The following UBR1 variants were observed in gnomAD, a reference collection of about 807,000 sequenced individuals.
UBR1 encodes ubiquitin protein ligase E3 component n-recognin 1.
In UBR1, 102 loss-of-function variants were observed where a neutral mutation model predicts 242.1. The observed-to-expected ratio is 0.42, with a 90% CI of 0.36 to 0.50. The LOEUF is 0.50. Among genes scored for constraint, UBR1 ranks in the 20% least tolerant of loss-of-function variants. The probability of loss-of-function intolerance (pLI) is 0.01; values close to 1 mark genes in which losing one functional copy is unlikely to be tolerated. For synonymous variants in UBR1, 675 were observed against 684.8 expected, an observed-to-expected ratio of 0.99 and a Z score of 0.22; for missense variants, 1,772 against 2,101.8, an observed-to-expected ratio of 0.84 and a Z score of 3.07.
chr15:42,950,310 T>C lies in UBR1; in HGVS notation c.5060A>G (p.Tyr1687Cys), dbSNP rs558013224. 4 of 1,614,172 alleles carry C rather than the reference T, an allele frequency of 2.5e-6. No homozygotes were observed. Among genetic ancestry groups the C allele is most frequent in the Non-Finnish European group, 3.4e-6 (4 of 1,180,022 alleles). ...LVEGKARGCA[Y>C]PAPYLDEYGE... is the part of the protein sequence containing the mutation. Reference sequence around the variant, plus strand: ...ATATTCATCCAAGTAAGGAGCTGGATAGGCACAGCCTCTGGCTTTACCTTC... The same window carrying C: ...ATATTCATCCAAGTAAGGAGCTGGACAGGCACAGCCTCTGGCTTTACCTTC... Residue 1687 changes from tyrosine to cysteine, a missense_variant, in exon 46 of 47, where the codon TAT (tyrosine) becomes TGT (cysteine). This residue lies in a region of UBR1 where 965 missense variants were observed against 1,079.7 expected (regional missense o/e 0.89). Transcript: ENST00000290650.
At chr15:43,068,071 C>G in intron 5 of UBR1, 35 bp from the exon 6 acceptor site, 1 of 769,834 alleles carries the variant, frequency 1.3e-6, no homozygotes, top group South Asian at 1.9e-5. Flanking sequence ...TTGGATACTA[C>G]AACAAATAAA....
At chr15:43,071,862 C>A (rs757656528) in intron 4 of UBR1, among the ~76,000 whole-genome samples, 3 of 152,194 alleles carry the variant, frequency 2.0e-5, no homozygotes, top group Non-Finnish European at 2.9e-5. Flanking sequence ...CACTTCACAA[C>A]TACCTAGGTG....
At chr15:43,040,093 A>G (rs1038295887) in intron 15 of UBR1, among the ~76,000 whole-genome samples, 1 of 152,148 alleles carries the variant, frequency 6.6e-6, no homozygotes, top group Non-Finnish European at 1.5e-5. Flanking sequence ...AATGGGAAAA[A>G]ACTGCTTTCA....
intron 33 of UBR1, among the ~76,000 whole-genome samples, chr15:42,997,611 T>C (rs1354854639): frequency 6.6e-6 from 1 of 152,190 alleles, no homozygotes; most frequent in Non-Finnish European, 1.5e-5. Flanking sequence ...AATATGTAAA[T>C]AAGATGATAG....
intron 27 of UBR1, among the ~76,000 whole-genome samples, chr15:43,020,040 T>C (rs2033087282): frequency 6.6e-6 from 1 of 151,930 alleles, no homozygotes; most frequent in Non-Finnish European, 1.5e-5. Flanking sequence ...AGGAGTCATC[T>C]TTGATTTCCT....
intron 12 of UBR1, among the ~76,000 whole-genome samples, chr15:43,054,281 G>T (rs1395313540): frequency 1.3e-5 from 2 of 151,964 alleles, no homozygotes; most frequent in Non-Finnish European, 2.9e-5. Flanking sequence ...AGCCCAGGAG[G>T]TTGAGGCTTC....
chr15:43,009,919 G>A (rs938433408), intron 29 of UBR1, among the ~76,000 whole-genome samples: 1 of 152,180 alleles, frequency 6.6e-6, no homozygotes, highest in African/African-American at 2.4e-5. Context: ...TTGCCGGGCT[G>A]GAGTGCAGTG....
intron 32 of UBR1, among the ~76,000 whole-genome samples, chr15:43,001,602 T>C (rs894300215): frequency 2.0e-5 from 3 of 152,178 alleles, no homozygotes; most frequent in Admixed American, 6.5e-5. Context: ...TGAAATAATA[T>C]AAATATTATA....
rs574667524 is a variant in UBR1, at chr15:43,025,648, A to G, written c.2536-219T>C. ...CCTGATCAAAAACTTAGTCTCCATT[A>G]TTTTCTACTGAAAATATTTACCCAG... On this transcript the variant is annotated intron_variant, in intron 23 of 46. Transcript: ENST00000290650. 9.6e-4 allele frequency: 501 copies of G among 524,190 alleles called. 5 individuals are homozygous for G. The highest frequency in any genetic ancestry group is 5.6e-3 in the South Asian group (262 of 46,600). 32.5% of individuals were successfully genotyped at this position (524,190 alleles called of 1,614,324 possible). A position where few individuals can be genotyped will look rare whatever the true frequency, so the allele number is the denominator to read the frequency against.
chr15:42,982,472 G>C (rs760771431), intron 37 of UBR1, among the ~76,000 whole-genome samples: 4 of 152,218 alleles, frequency 2.6e-5, no homozygotes, highest in Non-Finnish European at 4.4e-5. Flanking sequence ...TAGTGGAACA[G>C]CATCAACATT....
At chr15:43,058,841 T>C (rs1054258094) in intron 9 of UBR1, among the ~76,000 whole-genome samples, 3 of 152,214 alleles carry the variant, frequency 2.0e-5, no homozygotes, top group African/African-American at 7.2e-5. Context: ...CACATACATA[T>C]ATACTCTTTT....
chr15:43,034,888 CAAAAAAAA>C lies in UBR1; in HGVS notation c.2190+1282_2190+1289del, dbSNP rs201319494. Among the ~76,000 whole-genome samples, 628 of 91,744 alleles carry C rather than the reference CAAAAAAAA, an allele frequency of 6.8e-3. 12 individuals carry two copies. The highest frequency in any genetic ancestry group is 0.019 in the African/African-American group (599 of 30,858). 60.2% of individuals were successfully genotyped at this position (91,744 alleles called of 152,430 possible). On this transcript the variant is annotated intron_variant, in intron 19 of 46. Coordinates refer to ENST00000290650, the MANE Select transcript of UBR1 (RefSeq NM_174916.3). ...GGCAACAAGAGCAAAACGCCATCTC[CAAAAAAAA>C]AAAAAAAAAGAAAGAAAAGAAAGAA...
intron 30 of UBR1, among the ~76,000 whole-genome samples, chr15:43,004,200 GT>G (rs1362278636): frequency 2.0e-5 from 3 of 152,012 alleles, no homozygotes; most frequent in Admixed American, 2.0e-4. Context: ...CATTATCTTG[GT>G]TATTTAAGTG....
chr15:43,086,256 A>T lies in UBR1; in HGVS notation c.82-16T>A. 6.2e-7 allele frequency: 1 copy of T among 1,613,514 alleles called. No individual in the cohort carries two copies. The highest frequency in any genetic ancestry group is 8.5e-7 in the Non-Finnish European group (1 of 1,179,920). Reference sequence around the variant, plus strand: ...GATCCCACCACTAAAAGAAAAGAAGATGAAAATTAGACTGACTTACAAGTT... The same window carrying T: ...GATCCCACCACTAAAAGAAAAGAAGTTGAAAATTAGACTGACTTACAAGTT... On this transcript the variant is annotated splice_polypyrimidine_tract_variant and intron_variant, in intron 1 of 46. Transcript: ENST00000290650.
chr15:43,060,643 C>A (rs571483250), intron 6 of UBR1, among the ~76,000 whole-genome samples: 10 of 152,150 alleles, frequency 6.6e-5, no homozygotes, highest in African/African-American at 2.4e-4. Flanking sequence ...TCTATATGTG[C>A]CATGTGAAAA....
intron 1 of UBR1, among the ~76,000 whole-genome samples, chr15:43,093,790 CAAAA>C (rs35967267): frequency 3.8e-5 from 2 of 52,044 alleles, no homozygotes; most frequent in Non-Finnish European, 7.9e-5. Flanking sequence ...GCTCCGTCTC[CAAAA>C]AAAAAAAAAA....
Position 43,029,944 on chromosome 15 carries a change from A to G in UBR1, c.2379T>C (p.Asn793=), listed in dbSNP as rs2033232849. Reference sequence around the variant, plus strand: ...GAGATAAAACCAAAATCAGACTTACATTCTCAGGTAAATTTTTGGCAATGG... The same window carrying G: ...GAGATAAAACCAAAATCAGACTTACGTTCTCAGGTAAATTTTTGGCAATGG... The part of the protein sequence containing the change: ...HSAIAKNLPE[N]ENNETGLENV... Residue 793 remains asparagine (N), a splice_region_variant and synonymous_variant, in exon 21 of 47, where the codon AAT becomes AAC. Transcript: ENST00000290650. 6.2e-7 allele frequency: 1 copy of G among 1,613,924 alleles called. No individual in the cohort carries two copies. The highest frequency in any genetic ancestry group is 2.2e-5 in the East Asian group (1 of 44,874).
At chr15:43,041,053 G>C (rs1596114809) in intron 15 of UBR1, among the ~76,000 whole-genome samples, 1 of 152,282 alleles carries the variant, frequency 6.6e-6, no homozygotes, top group East Asian at 1.9e-4. Context: ...CAAGGATCTA[G>C]AACTAGAAAT....
At chr15:43,057,444 A>G (rs371527550) in intron 10 of UBR1, among the ~76,000 whole-genome samples, 1 of 152,346 alleles carries the variant, frequency 6.6e-6, no homozygotes, top group African/African-American at 2.4e-5. Context: ...ATCAACAAGT[A>G]TGACTGGCAA....
Sources: gnomAD v4.1 joint callset for allele counts (sites outside exome capture counted in the v4.1 genomes callset) on GRCh38, gnomAD v4.1.1 for gene constraint, gnomAD v4.1.1 regional missense constraint, MANE v1.5 for transcripts, NCBI Gene and HGNC (gene_info 2026-07-23, HGNC 2026-07-21) for gene names.